The following CMIP variants were observed in gnomAD, a reference collection of about 807,000 sequenced individuals.
CMIP encodes the protein c-Maf inducing protein.
Under a neutral mutation model 97.3 loss-of-function variants are expected in CMIP, and 13 were observed. The observed-to-expected ratio is 0.13, with a 90% CI of 0.09 to 0.21. CMIP has a LOEUF of 0.21. Among genes scored for constraint, CMIP ranks in the 10% least tolerant of loss-of-function variants. The pLI is 1.00. For synonymous variants in CMIP, 538 were observed against 436.3 expected (o/e 1.23, Z -2.91); for missense variants, 847 against 1,024.9 (o/e 0.83, Z 2.37).
At chr16:81,557,560 A>G (rs982797209) in intron 1 of CMIP, among the ~76,000 whole-genome samples, 1 of 152,240 alleles carries the variant, frequency 6.6e-6, no homozygotes, top group African/African-American at 2.4e-5. Context: ...TAAAATAAAA[A>G]TAAATAAAAA....
chr16:81,644,933 G>C (rs2092346954), intron 3 of CMIP, among the ~76,000 whole-genome samples: 1 of 152,192 alleles, frequency 6.6e-6, no homozygotes, highest in African/African-American at 2.4e-5. Flanking sequence ...TCGATGGGTA[G>C]AGGCAAACAT....
intron 1 of CMIP, chr16:81,518,791 A>C (rs2089964985): frequency 6.6e-6 from 1 of 150,906 alleles, no homozygotes; most frequent in African/African-American, 2.4e-5. Context: ...TGAGCCCAGG[A>C]GTTCAAGACC....
At chr16:81,478,870 C>A (rs1422140715) in intron 1 of CMIP, among the ~76,000 whole-genome samples, 1 of 152,256 alleles carries the variant, frequency 6.6e-6, no homozygotes, top group East Asian at 1.9e-4. Flanking sequence ...GGTCTTTCTT[C>A]CCCACCTCCC....
intron 1 of CMIP, among the ~76,000 whole-genome samples, chr16:81,471,339 T>G (rs988287674): frequency 6.6e-6 from 1 of 152,184 alleles, no homozygotes; most frequent in Admixed American, 6.5e-5. Context: ...CACATAAATA[T>G]GTATAGGTGC....
chr16:81,596,343 T>C lies in CMIP; in HGVS notation c.301-11224T>C, dbSNP rs797005574. 5.9e-5 allele frequency among the ~76,000 whole-genome samples: 9 copies of C among 152,006 alleles called. 1 individual carries two copies. Among genetic ancestry groups the C allele is most frequent in the African/African-American group, 2.2e-4 (9 of 41,460 alleles). ...CAACATGATGAAACCCCATCTCTAC[T>C]AAAAGTACAGAAATTAGCTGTCTGT... On this transcript the variant is annotated intron_variant, in intron 1 of 20. Coordinates refer to ENST00000537098, the MANE Select transcript of CMIP (RefSeq NM_198390.3).
intron 3 of CMIP, among the ~76,000 whole-genome samples, chr16:81,650,282 C>G (rs990390851): frequency 1.3e-5 from 2 of 152,230 alleles, no homozygotes; most frequent in African/African-American, 2.4e-5. Flanking sequence ...CTGGCCTCCT[C>G]TGCTCTGCTG....
In CMIP at chr16:81,638,453, C is replaced by T. The variant is rs987123641; in HGVS notation, c.478-13750C>T. ...TTGGCCCACCCCCACCTGCACGGGA[C>T]TCTCTGAGGGGATGGTGCCTGGGAT... is the stretch of plus-strand genomic sequence containing the variant. On this transcript the variant is annotated intron_variant, in intron 3 of 20. Coordinates refer to ENST00000537098, the MANE Select transcript of CMIP (RefSeq NM_198390.3). 2.6e-5 allele frequency among the ~76,000 whole-genome samples: 4 copies of T among 152,038 alleles called. No individual in the cohort carries two copies. In the East Asian group the frequency reaches 7.7e-4, roughly 29 times the overall value.
At chr16:81,642,100 C>T (rs1349645973) in intron 3 of CMIP, among the ~76,000 whole-genome samples, 1 of 152,262 alleles carries the variant, frequency 6.6e-6, no homozygotes, top group Non-Finnish European at 1.5e-5. Context: ...CCTTCAGAAG[C>T]GATGGCTTTT....
At chr16:81,646,584 T>A (rs1263578306) in intron 3 of CMIP, among the ~76,000 whole-genome samples, 1 of 152,182 alleles carries the variant, frequency 6.6e-6, no homozygotes, top group South Asian at 2.1e-4. Context: ...CACAATTCAG[T>A]TTTAGAGCAT....
In CMIP at chr16:81,475,064, T is replaced by C. The variant is rs576911907; in HGVS notation, c.300+29523T>C. Among the ~76,000 whole-genome samples, 29 of 152,292 alleles carry C rather than the reference T, an allele frequency of 1.9e-4. 1 individual carries two copies. In the East Asian group the frequency reaches 5.6e-3, roughly 29 times the overall value. On this transcript the variant is annotated intron_variant, in intron 1 of 20. Transcript: ENST00000537098. ...GGCTTCATGAATGGAGCTGCTGTGG[T>C]CAGCATGGCTGGCCCTCTGGAGAGG...
intron 1 of CMIP, among the ~76,000 whole-genome samples, chr16:81,468,520 G>A (rs1241452366): frequency 6.6e-6 from 1 of 152,262 alleles, no homozygotes; most frequent in Non-Finnish European, 1.5e-5. Context: ...CGCGTGCCGT[G>A]CCCTCTGTGC....
rs1597225769 is a variant in CMIP, at chr16:81,670,250, G to T, written c.929+5G>T. On this transcript the variant is annotated splice_donor_5th_base_variant and intron_variant, in intron 8 of 20. Coordinates refer to ENST00000537098, the MANE Select transcript of CMIP (RefSeq NM_198390.3). Reference sequence around the variant, plus strand: ...GGTGAAGAAGTTCATTCAGAGGTGGGTCTCCGGCGCGACGTCCCTCTGTGG... The same window carrying T: ...GGTGAAGAAGTTCATTCAGAGGTGGTTCTCCGGCGCGACGTCCCTCTGTGG... The T allele has an allele frequency of 6.2e-7, 1 of 1,606,114 alleles. No individual in the cohort carries two copies. The highest frequency in any genetic ancestry group is 8.5e-7 in the Non-Finnish European group (1 of 1,176,406).
At chr16:81,588,634 G>T (rs1324680171) in intron 1 of CMIP, among the ~76,000 whole-genome samples, 1 of 152,024 alleles carries the variant, frequency 6.6e-6, no homozygotes, top group Non-Finnish European at 1.5e-5. Context: ...TTATCTGCTT[G>T]GTTTGCTTTT....
intron 3 of CMIP, among the ~76,000 whole-genome samples, chr16:81,634,735 C>G (rs1377204469): frequency 6.6e-6 from 1 of 152,210 alleles, no homozygotes; most frequent in African/African-American, 2.4e-5. Flanking sequence ...GGATCCTTCT[C>G]CAGGATTCTC....
chr16:81,571,679 C>T (rs758963721), intron 1 of CMIP, among the ~76,000 whole-genome samples: 32 of 151,406 alleles, frequency 2.1e-4, no homozygotes, highest in African/African-American at 6.6e-4. Flanking sequence ...TTGGTACAGA[C>T]GAGCAAGCGG....
At chr16:81,592,651 C>G (rs1054097521) in intron 1 of CMIP, among the ~76,000 whole-genome samples, 1 of 152,230 alleles carries the variant, frequency 6.6e-6, no homozygotes, top group Admixed American at 6.5e-5. Flanking sequence ...AAACAACAGT[C>G]CTGGCTTCCA....
At chr16:81,610,802 T>G (rs759842390) in intron 2 of CMIP, among the ~76,000 whole-genome samples, 5 of 152,162 alleles carry the variant, frequency 3.3e-5, no homozygotes, top group Non-Finnish European at 5.9e-5. Flanking sequence ...CCTGGTTGTA[T>G]TCACGTGCCT....
intron 1 of CMIP, among the ~76,000 whole-genome samples, chr16:81,504,808 G>C (rs535164974): frequency 6.6e-6 from 1 of 152,212 alleles, no homozygotes; most frequent in South Asian, 2.1e-4. Flanking sequence ...GAAATGAGGA[G>C]AGCAAGAGTG....
chr16:81,665,071 C>G (rs2151026524), intron 7 of CMIP: 1 of 152,266 alleles, frequency 6.6e-6, no homozygotes, highest in East Asian at 1.9e-4. Context: ...ATTTGGGGCT[C>G]TCCATGGGAT....
Sources: allele counts gnomAD v4.1 joint callset (sites outside exome capture counted in the v4.1 genomes callset), GRCh38; gene constraint gnomAD v4.1.1; transcripts MANE v1.5; gene names NCBI Gene and HGNC (gene_info 2026-07-23, HGNC 2026-07-21).